The following NKAIN3 variants were observed in gnomAD, a reference collection of about 807,000 sequenced individuals.
NKAIN3 encodes sodium/potassium transporting ATPase interacting 3.
Under a neutral mutation model 30.2 loss-of-function variants are expected in NKAIN3, and 25 were observed. The observed-to-expected ratio is 0.83, with a 90% CI of 0.60 to 1.16. NKAIN3 has a LOEUF of 1.16. NKAIN3 is among the 50% of genes most tolerant of loss of function. The pLI is 0.00. For missense variants in NKAIN3, 225 were observed against 254.1 expected, an observed-to-expected ratio of 0.89 and a Z score of 0.78; for synonymous variants, 91 against 89.6, an observed-to-expected ratio of 1.02 and a Z score of -0.09.
At chr8:62,851,915 C>A (rs1178245392) in intron 4 of NKAIN3, among the ~76,000 whole-genome samples, 1 of 152,048 alleles carries the variant, frequency 6.6e-6, no homozygotes, top group Non-Finnish European at 1.5e-5. Flanking sequence ...GTCTAAAATT[C>A]TCTTTTTTTG....
At chr8:62,624,931 C>T (rs2170123) in intron 3 of NKAIN3, among the ~76,000 whole-genome samples, 73,158 of 151,818 alleles carry the variant, frequency 0.48, 20,699 homozygotes, top group African/African-American at 0.79. Context: ...GTTAGTCTTT[C>T]TTATCACTAG....
At chr8:62,726,209 T>G (rs949545571) in intron 3 of NKAIN3, among the ~76,000 whole-genome samples, 1 of 152,074 alleles carries the variant, frequency 6.6e-6, no homozygotes, top group Non-Finnish European at 1.5e-5. Context: ...TTTACTGAAT[T>G]TGTTTATCAG....
chr8:62,444,906 C>T (rs1039189331), intron 1 of NKAIN3, among the ~76,000 whole-genome samples: 3 of 151,996 alleles, frequency 2.0e-5, no homozygotes, highest in Non-Finnish European at 4.4e-5. Flanking sequence ...CCATTTTAAC[C>T]GTGGTGAGAT....
At chr8:62,885,428 T>C (rs569343181) in intron 4 of NKAIN3, among the ~76,000 whole-genome samples, 6 of 152,352 alleles carry the variant, frequency 3.9e-5, no homozygotes, top group African/African-American at 1.4e-4. Context: ...GAATGTTCCA[T>C]GTGAGCTTGA....
chr8:62,831,164 C>A (rs1158018543), intron 4 of NKAIN3, among the ~76,000 whole-genome samples: 1 of 152,004 alleles, frequency 6.6e-6, no homozygotes, highest in Non-Finnish European at 1.5e-5. Flanking sequence ...AAGCCAAAGA[C>A]CCTACCCCAG....
chr8:62,715,849 G>C (rs530129019), intron 3 of NKAIN3, among the ~76,000 whole-genome samples: 93 of 152,292 alleles, frequency 6.1e-4, no homozygotes, highest in Non-Finnish European at 1.2e-3. Context: ...GCTGAGGGTA[G>C]AGTCACCTTT....
chr8:62,489,252 C>A (rs1212093601), intron 1 of NKAIN3, among the ~76,000 whole-genome samples: 2 of 151,622 alleles, frequency 1.3e-5, no homozygotes, highest in Non-Finnish European at 2.9e-5. Context: ...GTCTCGATCT[C>A]CTGACCTCGT....
intron 3 of NKAIN3, among the ~76,000 whole-genome samples, chr8:62,714,058 AG>A (rs1265976766): frequency 6.6e-6 from 1 of 152,160 alleles, no homozygotes; most frequent in Non-Finnish European, 1.5e-5. Flanking sequence ...TTTATGGATC[AG>A]CAGGCAATAT....
chr8:62,358,587 C>G (rs1816435268), intron 1 of NKAIN3, among the ~76,000 whole-genome samples: 1 of 152,092 alleles, frequency 6.6e-6, no homozygotes. Flanking sequence ...ACTGCTGAAG[C>G]CAGCACCTCT....
chr8:62,436,523 T>C (rs933895107), intron 1 of NKAIN3, among the ~76,000 whole-genome samples: 1 of 152,194 alleles, frequency 6.6e-6, no homozygotes, highest in Non-Finnish European at 1.5e-5. Context: ...ACCAGCTTAA[T>C]GAATGTAGAA....
At chr8:62,904,726 T>C (rs932977390) in intron 4 of NKAIN3, among the ~76,000 whole-genome samples, 5 of 152,228 alleles carry the variant, frequency 3.3e-5, no homozygotes, top group African/African-American at 1.2e-4. Flanking sequence ...CATTTATTCA[T>C]TCAGAAGCAT....
chr8:62,249,259 C>T (rs1812006443), intron 1 of NKAIN3, 132 bp downstream of exon 1: 3 of 752,490 alleles, frequency 4.0e-6, no homozygotes, highest in Non-Finnish European at 6.1e-6. Flanking sequence ...CGCCTCCCAC[C>T]CTCCCCACCG....
intron 4 of NKAIN3, among the ~76,000 whole-genome samples, chr8:62,778,025 C>T (rs544330294): frequency 6.6e-6 from 1 of 152,198 alleles, no homozygotes; most frequent in African/African-American, 2.4e-5. Flanking sequence ...GGCAGAAACT[C>T]TTATTCTCTT....
At chr8:62,410,220 C>A (rs185979796) in intron 1 of NKAIN3, among the ~76,000 whole-genome samples, 1 of 152,262 alleles carries the variant, frequency 6.6e-6, no homozygotes. Flanking sequence ...TTTGTCCCTG[C>A]ATTAATTTCT....
intron 1 of NKAIN3, among the ~76,000 whole-genome samples, chr8:62,390,485 G>C (rs1320522488): frequency 6.6e-6 from 1 of 152,160 alleles, no homozygotes; most frequent in African/African-American, 2.4e-5. Flanking sequence ...TGGCTATTGT[G>C]AATAGTGCTG....
chr8:62,578,070 G>A (rs937511920), intron 1 of NKAIN3, among the ~76,000 whole-genome samples: 1 of 152,068 alleles, frequency 6.6e-6, no homozygotes, highest in Non-Finnish European at 1.5e-5. Context: ...AGTGCCATCA[G>A]TATGGCTAAT....
rs972865011 is a variant in NKAIN3 at position 62,294,286 on chromosome 8, G to A, written c.54+45159G>A. ...TCAGTTGGAAATGCAGAAATCACCC[G>A]TCTTCTGCATCACTTACGCTGGGAG... On this transcript the variant is annotated intron_variant, in intron 1 of 6. Transcript: ENST00000623646. Among the ~76,000 whole-genome samples the A allele has an allele frequency of 1.1e-4, 16 of 152,206 alleles. No individual in the cohort carries two copies. The South Asian group carries it at 1.2e-3, about 12-fold the overall frequency.
intron 1 of NKAIN3, among the ~76,000 whole-genome samples, chr8:62,430,280 G>T (rs1804950819): frequency 6.6e-6 from 1 of 151,114 alleles, no homozygotes; most frequent in Non-Finnish European, 1.5e-5. Context: ...CTTTCATATT[G>T]TAGTTATTGT....
chr8:62,443,788 CT>C (rs1805403321), intron 1 of NKAIN3, among the ~76,000 whole-genome samples: 1 of 151,838 alleles, frequency 6.6e-6, no homozygotes, highest in Admixed American at 6.6e-5. Flanking sequence ...TTTTCTGCAT[CT>C]TTTTGCCACT....
Sources: gnomAD v4.1 joint callset for allele counts (sites outside exome capture counted in the v4.1 genomes callset) on GRCh38, gnomAD v4.1.1 for gene constraint, MANE v1.5 for transcripts, NCBI Gene and HGNC (gene_info 2026-07-23, HGNC 2026-07-21) for gene names.